HIBCH: variants seen among roughly 807,000 people sequenced by gnomAD.
The protein encoded by HIBCH is 3-hydroxyisobutyryl-CoA hydrolase, mitochondrial.
A neutral mutation model predicts 58.2 loss-of-function variants in HIBCH; 50 were observed. The observed-to-expected ratio is 0.86, with a 90% CI of 0.68 to 1.09. The LOEUF (loss-of-function observed/expected upper bound fraction) is 1.09. Among genes scored for constraint, HIBCH ranks in the 50% least tolerant of loss-of-function variants. The pLI is 0.00. For synonymous variants in HIBCH, 151 were observed against 146.9 expected (o/e 1.03, Z -0.20); for missense variants, 450 against 449.7 (o/e 1.00, Z -0.01).
chr2:190,258,164 A>G (rs565817845), intron 7 of HIBCH, among the ~76,000 whole-genome samples: 11 of 152,178 alleles, frequency 7.2e-5, no homozygotes, highest in South Asian at 6.2e-4. Flanking sequence ...GTTGTTTTAA[A>G]GTGTGCAGTA....
At chr2:190,308,476 A>G (rs1464237438) in intron 2 of HIBCH, among the ~76,000 whole-genome samples, 1 of 152,196 alleles carries the variant, frequency 6.6e-6, no homozygotes, top group Non-Finnish European at 1.5e-5. Context: ...TAACCCATTC[A>G]TAAATTAATG....
intron 12 of HIBCH, among the ~76,000 whole-genome samples, chr2:190,212,194 T>C (rs1690528999): frequency 6.6e-6 from 1 of 152,216 alleles, no homozygotes; most frequent in Non-Finnish European, 1.5e-5. Context: ...TCAGCTGCCA[T>C]TTACATCCCT....
At position 190,249,146 on chromosome 2, in the gene HIBCH, T is replaced by C. The variant is rs187679811; in HGVS notation, c.750+494A>G. On this transcript the variant is annotated intron_variant, in intron 9 of 13. Coordinates refer to ENST00000359678, the MANE Select transcript of HIBCH (RefSeq NM_014362.4). ...CTTTTCTTATTCACTTATTACAATTTTGAATGGTGTTTTAGGAGGCAGCAT... is the reference window on the plus strand; with the variant it reads ...CTTTTCTTATTCACTTATTACAATTCTGAATGGTGTTTTAGGAGGCAGCAT... Among the ~76,000 whole-genome samples the C allele has an allele frequency of 3.3e-3, 505 of 152,324 alleles. 3 individuals carry two copies. Among genetic ancestry groups the C allele is most frequent in the African/African-American group, 0.012 (480 of 41,568 alleles).
At chr2:190,226,593 C>G (rs1685904955) in intron 11 of HIBCH, among the ~76,000 whole-genome samples, 1 of 51,972 alleles carries the variant, frequency 1.9e-5, no homozygotes. Context: ...GAAACTCCGT[C>G]TCAAAAAAAA....
At chr2:190,262,163 C>CAAAAAAAAAAAA (rs982653583) in intron 6 of HIBCH, among the ~76,000 whole-genome samples, 1 of 91,944 alleles carries the variant, frequency 1.1e-5, no homozygotes, top group African/African-American at 3.9e-5. Context: ...GCGGTAGAGA[C>CAAAAAAAAAAAA]AAAAAAAAAA....
At chr2:190,196,145 C>T (rs372435360) in intron 1 of HIBCH, among the ~76,000 whole-genome samples, 7 of 151,998 alleles carry the variant, frequency 4.6e-5, no homozygotes, top group Admixed American at 1.3e-4. Flanking sequence ...CCCTCCCCAA[C>T]CCCCAATGTT....
rs2105925321 is a variant in HIBCH at position 190,236,727 on chromosome 2, C to A, written c.891+8160G>T. Among the ~76,000 whole-genome samples, 1 of 152,264 alleles carries A rather than the reference C, an allele frequency of 6.6e-6. No homozygotes were observed. The highest frequency in any genetic ancestry group is 2.4e-5 in the African/African-American group (1 of 41,550). On this transcript the variant is annotated intron_variant, in intron 11 of 13. Transcript: ENST00000359678. This position sits in a 1 kb window ranked among gnomAD's most constrained non-coding sequence, Gnocchi z 4.1. ...GCTTAGAGCCAGTGCAAGAAGGCTG[C>A]CTTTTGCAACCTGATCTTAAGACTT...
At chr2:190,192,108 C>T (rs1277648492) in intron 1 of HIBCH, among the ~76,000 whole-genome samples, 1 of 151,958 alleles carries the variant, frequency 6.6e-6, no homozygotes, top group Non-Finnish European at 1.5e-5. Context: ...ACTATGATCC[C>T]TTTTGAGTTA....
intron 1 of HIBCH, among the ~76,000 whole-genome samples, chr2:190,196,907 G>T (rs10188870): frequency 0.28 from 42,045 of 152,010 alleles, 6,487 homozygotes; most frequent in East Asian, 0.47. Flanking sequence ...GGAGTATTTA[G>T]AAGACTGGGT....
intron 6 of HIBCH, among the ~76,000 whole-genome samples, chr2:190,261,493 C>T (rs1242738530): frequency 2.0e-5 from 3 of 152,112 alleles, no homozygotes; most frequent in African/African-American, 7.2e-5. Context: ...TCATTCTCTT[C>T]CTCCACAGAG....
At chr2:190,274,211 A>G (rs1687485576) in intron 6 of HIBCH, among the ~76,000 whole-genome samples, 1 of 152,258 alleles carries the variant, frequency 6.6e-6, no homozygotes, top group Admixed American at 6.5e-5. Flanking sequence ...TGTCACTAAT[A>G]GCAAGAAACA....
At chr2:190,283,880 G>A (rs572050341) in intron 6 of HIBCH, among the ~76,000 whole-genome samples, 4 of 152,252 alleles carry the variant, frequency 2.6e-5, no homozygotes, top group Admixed American at 6.5e-5. Flanking sequence ...AGTACCATTC[G>A]AGAAGCACAG....
intron 6 of HIBCH, among the ~76,000 whole-genome samples, chr2:190,262,163 C>A (rs201693397): frequency 0.3 from 26,590 of 89,558 alleles, 2,573 homozygotes; most frequent in East Asian, 0.4. Context: ...GCGGTAGAGA[C>A]AAAAAAAAAA....
At chr2:190,271,277 CCCT>C (rs1371296014) in intron 6 of HIBCH, among the ~76,000 whole-genome samples, 1 of 145,456 alleles carries the variant, frequency 6.9e-6, no homozygotes, top group African/African-American at 2.5e-5. Context: ...ATTATCTCTA[CCCT>C]ACTTTTTTTT....
At chr2:190,198,538 G>GGAAGGATC (rs1282588194) in intron 1 of HIBCH, among the ~76,000 whole-genome samples, 1 of 149,724 alleles carries the variant, frequency 6.7e-6, no homozygotes, top group Non-Finnish European at 1.5e-5. Flanking sequence ...GGGCTGAGGT[G>GGAAGGATC]GAAGGATCAC....
At position 190,207,673 on chromosome 2, in the gene HIBCH, G is replaced by A. The variant is rs1278780704; in HGVS notation, c.1045+1207C>T. The stretch of plus-strand genomic sequence containing the variant: ...AGGCAGCCAGATCACATAATATCAG[G>A]AGTTCAAGACCAGCCTGGCCAACAT... On this transcript the variant is annotated intron_variant, in intron 13 of 13. Transcript: ENST00000359678. This position sits in a 1 kb window ranked among gnomAD's most constrained non-coding sequence, Gnocchi z 4.5. Among the ~76,000 whole-genome samples, 2 of 152,100 alleles carry A rather than the reference G, an allele frequency of 1.3e-5. No individual in the cohort carries two copies. The highest frequency in any genetic ancestry group is 4.8e-5 in the African/African-American group (2 of 41,406).
At chr2:190,222,196 C>T (rs767637004) in intron 11 of HIBCH, among the ~76,000 whole-genome samples, 1 of 152,172 alleles carries the variant, frequency 6.6e-6, no homozygotes, top group Non-Finnish European at 1.5e-5. Context: ...GCCCTCAACC[C>T]AGCTTCTGCA....
chr2:190,241,544 T>C (rs1686453880), intron 11 of HIBCH, among the ~76,000 whole-genome samples: 1 of 152,246 alleles, frequency 6.6e-6, no homozygotes, highest in African/African-American at 2.4e-5. Flanking sequence ...TTAGATGCAG[T>C]TTCTTCATAG....
chr2:190,266,082 CA>C (rs1304562209), intron 6 of HIBCH, among the ~76,000 whole-genome samples: 6 of 152,104 alleles, frequency 3.9e-5, no homozygotes, highest in African/African-American at 9.6e-5. Context: ...ATTATCTTTC[CA>C]TTACAGATTG....
Sources: allele counts gnomAD v4.1 joint callset (sites outside exome capture counted in the v4.1 genomes callset), GRCh38; gene constraint gnomAD v4.1.1; non-coding constraint Gnocchi (gnomAD v3.1); transcripts MANE v1.5; gene names NCBI Gene and HGNC (gene_info 2026-07-23, HGNC 2026-07-21).